The following SUGCT variants were observed in gnomAD, a reference collection of about 807,000 sequenced individuals.
SUGCT encodes the protein succinyl-CoA:glutarate CoA-transferase.
In SUGCT, 41 loss-of-function variants were observed where a neutral mutation model predicts 55.0. The ratio of observed to expected loss-of-function variants is 0.74; its 90% CI spans 0.58 to 0.97. The LOEUF (loss-of-function observed/expected upper bound fraction) is 0.97, where lower values mean the gene tolerates loss of function less well. SUGCT is among the 50% of genes least tolerant of loss of function. The probability of loss-of-function intolerance (pLI) is 0.00; values close to 1 mark genes in which losing one functional copy is unlikely to be tolerated. For missense variants in SUGCT, 568 were observed against 547.8 expected, an observed-to-expected ratio of 1.04 and a Z score of -0.37; for synonymous variants, 187 against 200.4, an observed-to-expected ratio of 0.93 and a Z score of 0.56.
chr7:40,664,997 A>C (rs867237596), intron 12 of SUGCT, among the ~76,000 whole-genome samples: 2 of 145,208 alleles, frequency 1.4e-5, no homozygotes, highest in Admixed American at 6.8e-5. Context: ...AAAAAAAAAA[A>C]TCTTTTTCTG....
intron 1 of SUGCT, among the ~76,000 whole-genome samples, chr7:40,156,372 A>T: frequency 6.6e-6 from 1 of 152,088 alleles, no homozygotes; most frequent in Middle Eastern, 3.2e-3. Flanking sequence ...CTGAGGCAGG[A>T]GAATGGCGTG....
intron 1 of SUGCT, among the ~76,000 whole-genome samples, chr7:40,154,531 A>G (rs967766911): frequency 6.6e-6 from 1 of 152,046 alleles, no homozygotes; most frequent in African/African-American, 2.4e-5. Context: ...TTGTAGAGAT[A>G]GGGGTCTCAC....
the SUGCT span, among the ~76,000 whole-genome samples, chr7:40,899,004 C>T: frequency 2.0e-5 from 3 of 152,264 alleles, no homozygotes; most frequent in South Asian, 2.1e-4. Context: ...TCTACAGCCA[C>T]GTCCGGCTCT....
chr7:40,936,833 T>C, the SUGCT span, among the ~76,000 whole-genome samples: 1 of 152,076 alleles, frequency 6.6e-6, no homozygotes, highest in Non-Finnish European at 1.5e-5. Context: ...TTTTAAGTTT[T>C]TCTTATGATT....
At chr7:40,795,144 T>A (rs1790491130) in intron 13 of SUGCT, among the ~76,000 whole-genome samples, 1 of 152,066 alleles carries the variant, frequency 6.6e-6, no homozygotes, top group Admixed American at 6.6e-5. Flanking sequence ...AATACACCAG[T>A]GGGCTCAAGC....
At chr7:40,475,380 T>C (rs777152649) in intron 11 of SUGCT, among the ~76,000 whole-genome samples, 2 of 152,208 alleles carry the variant, frequency 1.3e-5, no homozygotes, top group Non-Finnish European at 2.9e-5. Context: ...TTATGCAAAC[T>C]GCATTTCTCC....
chr7:40,976,878 A>G, the SUGCT span, among the ~76,000 whole-genome samples: 3 of 152,164 alleles, frequency 2.0e-5, no homozygotes, highest in Non-Finnish European at 2.9e-5. Flanking sequence ...TGACCACACT[A>G]CTTTCAATGA....
At chr7:40,380,010 T>G (rs1218073249) in intron 9 of SUGCT, among the ~76,000 whole-genome samples, 1 of 152,210 alleles carries the variant, frequency 6.6e-6, no homozygotes, top group African/African-American at 2.4e-5. Flanking sequence ...GTTAGACAAT[T>G]GGCAAATGCC....
At chr7:40,292,155 T>G (rs1472287408) in intron 8 of SUGCT, among the ~76,000 whole-genome samples, 1 of 152,208 alleles carries the variant, frequency 6.6e-6, no homozygotes, top group African/African-American at 2.4e-5. Flanking sequence ...TATACATACA[T>G]TCTGTACAAA....
chr7:40,737,393 G>A (rs1163091255), intron 12 of SUGCT, among the ~76,000 whole-genome samples: 1 of 152,258 alleles, frequency 6.6e-6, no homozygotes, highest in East Asian at 1.9e-4. Context: ...CTGTTAGAAA[G>A]TAATAGTGGC....
chr7:40,765,501 TGAAATAA>T (rs1026686026), intron 13 of SUGCT, among the ~76,000 whole-genome samples: 1 of 151,280 alleles, frequency 6.6e-6, no homozygotes, highest in Non-Finnish European at 1.5e-5. Context: ...GTTTTTCTCC[TGAAATAA>T]AAAATAAAAA....
intron 11 of SUGCT, among the ~76,000 whole-genome samples, chr7:40,486,491 A>G (rs189369836): frequency 6.6e-6 from 1 of 151,684 alleles, no homozygotes; most frequent in Admixed American, 6.6e-5. Flanking sequence ...GATTTTTAAT[A>G]TTTCCATTGA....
intron 7 of SUGCT, among the ~76,000 whole-genome samples, chr7:40,248,933 CTCT>C (rs1425229355): frequency 3.1e-5 from 2 of 65,330 alleles, no homozygotes; most frequent in African/African-American, 7.9e-5. Context: ...CACTCCCTCT[CTCT>C]CTGTCTCTCT....
chr7:40,431,968 A>C (rs1052272949), intron 9 of SUGCT, among the ~76,000 whole-genome samples: 3 of 152,164 alleles, frequency 2.0e-5, no homozygotes, highest in African/African-American at 7.2e-5. Flanking sequence ...TGTTATCTGC[A>C]GATAGGGATA....
intron 11 of SUGCT, among the ~76,000 whole-genome samples, chr7:40,472,065 A>G (rs568855462): frequency 2.6e-5 from 4 of 152,146 alleles, no homozygotes; most frequent in Non-Finnish European, 4.4e-5. Flanking sequence ...GTTGCGTAAG[A>G]CATAGTAAGA....
chr7:40,353,065 CGT>C (rs1797716571), intron 9 of SUGCT, among the ~76,000 whole-genome samples: 1 of 152,072 alleles, frequency 6.6e-6, no homozygotes, highest in Non-Finnish European at 1.5e-5. Flanking sequence ...GTTGGCCACA[CGT>C]GTCTTCTTTT....
chr7:40,955,457 T>A, the SUGCT span, among the ~76,000 whole-genome samples: 5 of 152,242 alleles, frequency 3.3e-5, no homozygotes, highest in Admixed American at 2.6e-4. Flanking sequence ...TGTATAGGAA[T>A]GCTTGTGATT....
At position 40,592,558 on chromosome 7, in the gene SUGCT, A is replaced by T. The variant is rs899857498; in HGVS notation, c.1089+96172A>T. On this transcript the variant is annotated intron_variant, in intron 12 of 13. Coordinates refer to ENST00000335693, the MANE Select transcript of SUGCT (RefSeq NM_001193313.2). The stretch of plus-strand genomic sequence containing the variant: ...ATTGCAAGATTGCTAATCTAGGGAC[A>T]TGCATATGGAATGGAGGACTGTGTG... Among the ~76,000 whole-genome samples the T allele has an allele frequency of 3.3e-5, 5 of 152,308 alleles. No homozygotes were observed. In the South Asian group the frequency reaches 1.0e-3, roughly 32 times the overall value.
chr7:40,409,629 C>T (rs1241993512), intron 9 of SUGCT, among the ~76,000 whole-genome samples: 1 of 151,990 alleles, frequency 6.6e-6, no homozygotes, highest in Admixed American at 6.6e-5. Context: ...ATTTAGACAT[C>T]TATTTTCATA....
Sources: gnomAD v4.1 joint callset for allele counts (sites outside exome capture counted in the v4.1 genomes callset) on GRCh38, gnomAD v4.1.1 for gene constraint, MANE v1.5 for transcripts, NCBI Gene and HGNC (gene_info 2026-07-23, HGNC 2026-07-21) for gene names.